The following ADAMTSL1 variants were observed in gnomAD, a reference collection of about 807,000 sequenced individuals.
The protein encoded by ADAMTSL1 is ADAMTS-like protein 1.
A neutral mutation model predicts 201.8 loss-of-function variants in ADAMTSL1; 126 were observed. The ratio of observed to expected loss-of-function variants is 0.62; its 90% CI spans 0.54 to 0.72. The LOEUF (loss-of-function observed/expected upper bound fraction) is 0.72. ADAMTSL1 is among the 30% of genes least tolerant of loss of function. ADAMTSL1 has a pLI of 0.00. For missense variants in ADAMTSL1, 2,679 were observed against 2,277.8 expected (o/e 1.18, Z -3.59); for synonymous variants, 1,121 against 903.4 (o/e 1.24, Z -4.32).
intron 1 of ADAMTSL1, among the ~76,000 whole-genome samples, chr9:17,996,472 C>T (rs935601826): frequency 6.6e-6 from 1 of 152,002 alleles, no homozygotes; most frequent in Non-Finnish European, 1.5e-5. Flanking sequence ...CTCAGAATGA[C>T]CAGGGAGGTG....
Position 18,191,531 on chromosome 9 carries a change from C to T in ADAMTSL1, c.207+27550C>T, listed in dbSNP as rs1828971090. 2.6e-5 allele frequency among the ~76,000 whole-genome samples: 4 copies of T among 152,288 alleles called. No individual in the cohort carries two copies. In the South Asian group the frequency reaches 8.3e-4, roughly 32 times the overall value. ...ACAGCCTAATGAAAGTGGCCTGTTACCTTGGACAGGACCTGAGCCCTTAGC... is the reference window on the plus strand; with the variant it reads ...ACAGCCTAATGAAAGTGGCCTGTTATCTTGGACAGGACCTGAGCCCTTAGC... On this transcript the variant is annotated intron_variant, in intron 2 of 29. Coordinates refer to the ADAMTSL1 transcript ENST00000680146.
chr9:18,375,097 T>C (rs1036606339), intron 2 of ADAMTSL1, among the ~76,000 whole-genome samples: 7 of 152,192 alleles, frequency 4.6e-5, no homozygotes, highest in African/African-American at 1.2e-4. Context: ...ACCCATCATA[T>C]AGACAAGAAG....
intron 2 of ADAMTSL1, among the ~76,000 whole-genome samples, chr9:18,225,032 A>G (rs1830393894): frequency 6.6e-6 from 1 of 152,150 alleles, no homozygotes; most frequent in Admixed American, 6.6e-5. Flanking sequence ...CTTGTAAACT[A>G]CTTATTCCCT....
At chr9:18,614,714 T>G (rs1286652028) in intron 4 of ADAMTSL1, among the ~76,000 whole-genome samples, 8 of 152,112 alleles carry the variant, frequency 5.3e-5, no homozygotes. Flanking sequence ...GCCTACCACC[T>G]ATATGTATTC....
intron 7 of ADAMTSL1, among the ~76,000 whole-genome samples, chr9:18,642,320 G>A (rs1276309377): frequency 1.3e-5 from 2 of 151,800 alleles, no homozygotes; most frequent in East Asian, 1.9e-4. Context: ...TAATTAATGA[G>A]TAAAAACTAG....
chr9:18,290,783 T>TTTTTTTTG (rs1554651158), intron 2 of ADAMTSL1, among the ~76,000 whole-genome samples: 5,867 of 79,948 alleles, frequency 0.073, 235 homozygotes, highest in Non-Finnish European at 0.12. Flanking sequence ...TTTTGTGTGT[T>TTTTTTTTG]TTTTTTTTTT....
rs538259726 is a variant in ADAMTSL1 at position 18,220,156 on chromosome 9, T to G, written c.207+56175T>G. On this transcript the variant is annotated intron_variant, in intron 2 of 29. Transcript: ENST00000680146. ...TCAGTTTGCCAAGATCAAATTCGTA[T>G]CTTTACTAATTTTTCACCTGCTTCA... Among the ~76,000 whole-genome samples, 3 of 152,300 alleles carry G rather than the reference T, an allele frequency of 2.0e-5. No homozygotes were observed. The East Asian group carries it at 5.8e-4, about 29-fold the overall frequency.
At chr9:18,515,016 T>G (rs2131993679) in intron 2 of ADAMTSL1, among the ~76,000 whole-genome samples, 1 of 152,230 alleles carries the variant, frequency 6.6e-6, no homozygotes, top group East Asian at 1.9e-4. Flanking sequence ...TTCTGCATCT[T>G]TCAAAGATGA....
At chr9:18,642,247 G>C (rs1827492818) in intron 7 of ADAMTSL1, among the ~76,000 whole-genome samples, 1 of 151,556 alleles carries the variant, frequency 6.6e-6, no homozygotes, top group Non-Finnish European at 1.5e-5. Flanking sequence ...TTTGAGATGT[G>C]GACATTGTCT....
At chr9:18,517,684 T>C (rs1221678027) in intron 2 of ADAMTSL1, among the ~76,000 whole-genome samples, 1 of 152,058 alleles carries the variant, frequency 6.6e-6, no homozygotes, top group Admixed American at 6.5e-5. Context: ...TTTTTTGTTC[T>C]TGCGATAGTT....
chr9:17,945,933 T>C (rs915000457), intron 1 of ADAMTSL1, among the ~76,000 whole-genome samples: 2 of 151,696 alleles, frequency 1.3e-5, no homozygotes, highest in Non-Finnish European at 2.9e-5. Context: ...AACCTGCACA[T>C]GGTGCACATG....
intron 2 of ADAMTSL1, among the ~76,000 whole-genome samples, chr9:18,342,310 G>T (rs1835497923): frequency 6.6e-6 from 1 of 151,998 alleles, no homozygotes; most frequent in Admixed American, 6.6e-5. Flanking sequence ...CAGTATATAG[G>T]TCATTGACTT....
chr9:17,950,500 T>A (rs1459608253), intron 1 of ADAMTSL1, among the ~76,000 whole-genome samples: 6 of 151,526 alleles, frequency 4.0e-5, no homozygotes, highest in South Asian at 4.1e-4. Context: ...AATATGTGTA[T>A]GATTGTATAT....
chr9:18,527,946 C>T (rs573786440), intron 2 of ADAMTSL1, among the ~76,000 whole-genome samples: 21 of 152,272 alleles, frequency 1.4e-4, no homozygotes, highest in Admixed American at 9.1e-4. Context: ...GGTACAATCT[C>T]GGCTCACTGC....
At chr9:18,775,623 C>T (rs1253947337) in intron 17 of ADAMTSL1, 120 bp from the exon 18 acceptor site, 1 of 1,282,112 alleles carries the variant, frequency 7.8e-7, no homozygotes, top group Non-Finnish European at 1.1e-6. Flanking sequence ...GTATTTCTAT[C>T]ACAGTGGTTA....
At chr9:18,803,690 C>G (rs918553108) in intron 20 of ADAMTSL1, among the ~76,000 whole-genome samples, 5 of 152,064 alleles carry the variant, frequency 3.3e-5, no homozygotes, top group Non-Finnish European at 5.9e-5. Context: ...TTTTTTTTAA[C>G]TCACCATTTT....
At chr9:18,795,674 A>T in intron 20 of ADAMTSL1, 150 bp downstream of exon 20, 1 of 864,588 alleles carries the variant, frequency 1.2e-6, no homozygotes, top group African/African-American at 1.7e-5. Context: ...ACAGCAGTGT[A>T]GTATGAGGTA....
intron 2 of ADAMTSL1, among the ~76,000 whole-genome samples, chr9:18,281,062 G>C (rs1832769182): frequency 6.6e-6 from 1 of 151,992 alleles, no homozygotes; most frequent in African/African-American, 2.4e-5. Context: ...ATTTCTTGTA[G>C]AGACAGGTGT....
intron 5 of ADAMTSL1, among the ~76,000 whole-genome samples, chr9:18,629,747 C>G (rs1245107684): frequency 1.3e-5 from 2 of 152,230 alleles, no homozygotes; most frequent in East Asian, 3.9e-4. Flanking sequence ...AAAATGGCCT[C>G]AAACGATGAG....
Sources: allele counts gnomAD v4.1 joint callset (sites outside exome capture counted in the v4.1 genomes callset), GRCh38; gene constraint gnomAD v4.1.1; transcripts MANE v1.5; gene names NCBI Gene and HGNC (gene_info 2026-07-23, HGNC 2026-07-21).